Variants in DLC1 observed in about 807,000 individuals in gnomAD.
DLC1 encodes the protein rho GTPase-activating protein 7.
In DLC1, 54 loss-of-function variants were observed where a neutral mutation model predicts 140.3. The ratio of observed to expected loss-of-function variants is 0.38; its 90% confidence interval spans 0.31 to 0.48. The LOEUF is 0.48. Among genes scored for constraint, DLC1 ranks in the 20% least tolerant of loss-of-function variants. DLC1 has a pLI of 0.96. For synonymous variants in DLC1, 986 were observed against 728.1 expected (o/e 1.35, Z -5.70); for missense variants, 2,536 against 1,907.0 (o/e 1.33, Z -6.14).
Position 13,336,972 on chromosome 8 carries a change from A to T in DLC1, c.1315-31670T>A, listed in dbSNP as rs113763269. Among the ~76,000 whole-genome samples, 213 of 152,292 alleles carry T rather than the reference A, an allele frequency of 1.4e-3. 1 individual carries two copies. The highest frequency in any genetic ancestry group is 4.9e-3 in the African/African-American group (204 of 41,568). On this transcript the variant is annotated intron_variant, in intron 4 of 17. Transcript: ENST00000276297. ...ACTAATAGTTAGCTAAAGCAGATGA[A>T]ATGAAAAATATAAACCAAGTAAAAC...
intron 2 of DLC1, among the ~76,000 whole-genome samples, chr8:13,443,398 G>A (rs367688862): frequency 1.4e-5 from 2 of 147,672 alleles, no homozygotes; most frequent in East Asian, 2.0e-4. Context: ...GGTGGCTCAC[G>A]CCTGTAATCC....
intron 1 of DLC1, among the ~76,000 whole-genome samples, chr8:13,562,616 G>C (rs1804281784): frequency 6.6e-6 from 1 of 152,098 alleles, no homozygotes; most frequent in Admixed American, 6.6e-5. Context: ...ATACATTGCT[G>C]GCAGAAATGT....
chr8:13,297,586 C>T (rs955447046), intron 5 of DLC1, among the ~76,000 whole-genome samples: 1 of 152,024 alleles, frequency 6.6e-6, no homozygotes, highest in Non-Finnish European at 1.5e-5. Flanking sequence ...GAGTACTGCG[C>T]TGAATGAAAC....
Position 13,100,342 on chromosome 8 carries a change from G to T in DLC1, c.1995C>A (p.Arg665=), listed in dbSNP as rs1178323437. Residue 665 remains arginine (R), a synonymous_variant, in exon 9 of 18, where the codon CGC becomes CGA. Coordinates refer to ENST00000276297, the MANE Select transcript of DLC1 (RefSeq NM_182643.3). ...GHEKTAKSKT[R]SLLKRMESLK... ...GGCTCTCCATCCGTTTCAGCAGACT[G>T]CGCGTCTTGGACTTGGCAGTTTTTT... 1 of 1,614,214 alleles carries T rather than the reference G, an allele frequency of 6.2e-7. No individual in the cohort carries two copies.
chr8:13,201,408 C>T (rs1827372762), intron 5 of DLC1, among the ~76,000 whole-genome samples: 1 of 151,900 alleles, frequency 6.6e-6, no homozygotes, highest in African/African-American at 2.4e-5. Flanking sequence ...AGCATAAGAA[C>T]AAATACAAAT....
chr8:13,304,500 C>T (rs1277532541), intron 5 of DLC1: 1 of 249,610 alleles, frequency 4.0e-6, no homozygotes, highest in Non-Finnish European at 6.3e-6. Context: ...AACTCTACTG[C>T]TTTAGTGTAA....
At chr8:13,339,484 A>T (rs1466083509) in intron 4 of DLC1, 1 of 152,330 alleles carries the variant, frequency 6.6e-6, no homozygotes, top group African/African-American at 2.4e-5. Context: ...CAGGCAACAG[A>T]TTACAGGTGA....
chr8:13,268,596 G>C (rs2117368441), intron 5 of DLC1, among the ~76,000 whole-genome samples: 1 of 152,234 alleles, frequency 6.6e-6, no homozygotes, highest in East Asian at 1.9e-4. Context: ...TGTTGCCCAG[G>C]TGTCTTGAAC....
intron 5 of DLC1, among the ~76,000 whole-genome samples, chr8:13,125,553 A>C (rs1821479688): frequency 6.6e-6 from 1 of 152,164 alleles, no homozygotes; most frequent in South Asian, 2.1e-4. Flanking sequence ...TTCTCTTTAC[A>C]AATGAGGAAG....
At chr8:13,211,114 C>T (rs1407038263) in intron 5 of DLC1, among the ~76,000 whole-genome samples, 1 of 152,162 alleles carries the variant, frequency 6.6e-6, no homozygotes, top group Non-Finnish European at 1.5e-5. Flanking sequence ...TTGCTTAAGA[C>T]ATGCCCAACA....
chr8:13,581,155 T>C (rs1563455487), intron 1 of DLC1, among the ~76,000 whole-genome samples: 1 of 152,236 alleles, frequency 6.6e-6, no homozygotes. Context: ...GGAGATCTCA[T>C]TCAGTCAGGG....
intron 3 of DLC1, among the ~76,000 whole-genome samples, chr8:13,395,747 G>T (rs1374073969): frequency 8.0e-6 from 1 of 125,190 alleles, no homozygotes; most frequent in African/African-American, 2.6e-5. Context: ...AAATGTATGT[G>T]CATGTGTGTG....
intron 4 of DLC1, among the ~76,000 whole-genome samples, chr8:13,380,615 T>C (rs547539418): frequency 1.3e-5 from 2 of 152,306 alleles, no homozygotes; most frequent in Non-Finnish European, 2.9e-5. Context: ...CTCTGTGGTT[T>C]TACATTCCTC....
At chr8:13,453,423 T>TATTTTTTTTTTTTTTTTTTTTTTTTCA (rs1799187538) in intron 2 of DLC1, among the ~76,000 whole-genome samples, 1 of 31,570 alleles carries the variant, frequency 3.2e-5, no homozygotes, top group African/African-American at 2.2e-4. Flanking sequence ...TATATATATA[T>TATTTTTTTTTTTTTTTTTTTTTTTTCA]GTGTATATAT....
At chr8:13,107,262 G>A (rs1298316227) in intron 7 of DLC1, among the ~76,000 whole-genome samples, 1 of 152,174 alleles carries the variant, frequency 6.6e-6, no homozygotes, top group Non-Finnish European at 1.5e-5. Flanking sequence ...AAGTCTTCTT[G>A]CCCTGAGTAG....
intron 2 of DLC1, among the ~76,000 whole-genome samples, chr8:13,453,422 A>ATATTTTTTTTTTTTTTTTTTTTTTTTTT (rs1554523043): frequency 4.9e-4 from 16 of 32,566 alleles, no homozygotes; most frequent in Admixed American, 2.0e-3. Context: ...ATATATATAT[A>ATATTTTTTTTTTTTTTTTTTTTTTTTTT]TGTGTATATA....
At chr8:13,493,610 G>C (rs924579005) in intron 2 of DLC1, among the ~76,000 whole-genome samples, 2 of 152,020 alleles carry the variant, frequency 1.3e-5, no homozygotes, top group Non-Finnish European at 2.9e-5. Flanking sequence ...ATGTATTATT[G>C]TTAACTATAG....
intron 1 of DLC1, among the ~76,000 whole-genome samples, chr8:13,530,436 A>G (rs1250917682): frequency 2.0e-5 from 3 of 152,172 alleles, no homozygotes; most frequent in African/African-American, 7.2e-5. Flanking sequence ...TTAGGAGAAG[A>G]TACTCAGTTT....
At chr8:13,391,434 T>C (rs1836757716) in intron 4 of DLC1, among the ~76,000 whole-genome samples, 1 of 152,196 alleles carries the variant, frequency 6.6e-6, no homozygotes, top group South Asian at 2.1e-4. Context: ...TTGGAGTACA[T>C]ACAAATATTT....
Sources: gnomAD v4.1 joint callset for allele counts (sites outside exome capture counted in the v4.1 genomes callset) on GRCh38, gnomAD v4.1.1 for gene constraint, MANE v1.5 for transcripts, NCBI Gene and HGNC (gene_info 2026-07-23, HGNC 2026-07-21) for gene names.